The following TBC1D22A variants were observed in gnomAD, a reference collection of about 807,000 sequenced individuals.
TBC1D22A encodes the protein TBC1 domain family member 22A.
Under a neutral mutation model 60.2 loss-of-function variants are expected in TBC1D22A, and 38 were observed. That is an observed-to-expected ratio of 0.63 (90% confidence interval 0.49 to 0.83). The LOEUF is 0.83. Ranked by LOEUF, TBC1D22A falls within the 40% of genes least tolerant of loss-of-function variation. The pLI is 0.00. For missense variants in TBC1D22A, 628 were observed against 701.0 expected, an observed-to-expected ratio of 0.90 and a Z score of 1.18; for synonymous variants, 302 against 281.7, an observed-to-expected ratio of 1.07 and a Z score of -0.72.
rs181953439 is a variant in TBC1D22A at position 47,070,937 on chromosome 22, G to A, written c.1329+33739G>A. Reference sequence around the variant, plus strand: ...TTGGTTGGAGCGGAGCTGACCTGACGGTCCCGGCGCTGTTCGTGTAAGTTG... The same window carrying A: ...TTGGTTGGAGCGGAGCTGACCTGACAGTCCCGGCGCTGTTCGTGTAAGTTG... On this transcript the variant is annotated intron_variant, in intron 11 of 12. Transcript: ENST00000337137. Among the ~76,000 whole-genome samples, 88 of 152,330 alleles carry A rather than the reference G, an allele frequency of 5.8e-4. 2 individuals carry two copies. Among genetic ancestry groups the A allele is most frequent in the African/African-American group, 2.0e-3 (83 of 41,566 alleles).
chr22:47,021,715 T>C (rs2062097278), intron 10 of TBC1D22A, among the ~76,000 whole-genome samples: 1 of 152,260 alleles, frequency 6.6e-6, no homozygotes, highest in South Asian at 2.1e-4. Flanking sequence ...TAAATATATG[T>C]TGTTTTAAGC....
chr22:46,898,155 C>A (rs1359981271), intron 7 of TBC1D22A, among the ~76,000 whole-genome samples: 1 of 152,160 alleles, frequency 6.6e-6, no homozygotes, highest in Non-Finnish European at 1.5e-5. Flanking sequence ...TTTTTTCCTA[C>A]CACTTGCTGC....
intron 11 of TBC1D22A, among the ~76,000 whole-genome samples, chr22:47,088,211 A>G (rs1212926578): frequency 1.3e-5 from 2 of 152,326 alleles, no homozygotes; most frequent in East Asian, 3.9e-4. Context: ...TATCAACCCC[A>G]GTGGAAATGA....
chr22:46,773,255 G>A (rs1488066975), intron 1 of TBC1D22A, among the ~76,000 whole-genome samples: 1 of 152,180 alleles, frequency 6.6e-6, no homozygotes, highest in Non-Finnish European at 1.5e-5. Flanking sequence ...TCCTGTCACA[G>A]GGTGGGGAAT....
At chr22:46,998,073 C>G (rs752038022) in intron 10 of TBC1D22A, among the ~76,000 whole-genome samples, 4 of 152,034 alleles carry the variant, frequency 2.6e-5, no homozygotes, top group Non-Finnish European at 4.4e-5. Flanking sequence ...ATCAAGGATG[C>G]TAGAATAATT....
At chr22:47,106,197 A>C (rs1362890880) in intron 11 of TBC1D22A, among the ~76,000 whole-genome samples, 1 of 152,190 alleles carries the variant, frequency 6.6e-6, no homozygotes, top group Non-Finnish European at 1.5e-5. Context: ...GAATGAAAAG[A>C]CCCCAACTCT....
At chr22:46,853,339 C>T in intron 4 of TBC1D22A, among the ~76,000 whole-genome samples, 1 of 152,244 alleles carries the variant, frequency 6.6e-6, no homozygotes, top group Non-Finnish European at 1.5e-5. Context: ...AGGCGAGAGG[C>T]ATGAAGCCGC....
intron 4 of TBC1D22A, among the ~76,000 whole-genome samples, chr22:46,829,832 T>G (rs1002068358): frequency 6.6e-6 from 1 of 152,132 alleles, no homozygotes; most frequent in African/African-American, 2.4e-5. Flanking sequence ...GGTTTGGAGT[T>G]CAGTGCCGCG....
chr22:47,091,716 T>A (rs2064984996), intron 11 of TBC1D22A, among the ~76,000 whole-genome samples: 1 of 152,154 alleles, frequency 6.6e-6, no homozygotes, highest in Non-Finnish European at 1.5e-5. Flanking sequence ...GGTCTGGGTC[T>A]CAGAGGTCCT....
chr22:47,046,558 A>G (rs131907), intron 11 of TBC1D22A, among the ~76,000 whole-genome samples: 105,328 of 152,108 alleles, frequency 0.69, 37,055 homozygotes, highest in East Asian at 0.92. Flanking sequence ...GAAGCCAGGG[A>G]CACAGTGCCA....
chr22:47,159,333 A>ACACACACCATGTACACACACAC (rs1491014763), intron 12 of TBC1D22A, among the ~76,000 whole-genome samples: 1 of 58,832 alleles, frequency 1.7e-5, no homozygotes, highest in African/African-American at 3.6e-5. Context: ...ACATGTATAC[A>ACACACACCATGTACACACACAC]CACACACCAT....
intron 4 of TBC1D22A, among the ~76,000 whole-genome samples, chr22:46,799,131 C>T (rs2084789921): frequency 6.6e-6 from 1 of 152,130 alleles, no homozygotes; most frequent in Admixed American, 6.5e-5. Flanking sequence ...CAGCCCCCAC[C>T]TTCCCTTCCT....
chr22:46,872,804 C>G (rs1351030473), intron 4 of TBC1D22A, among the ~76,000 whole-genome samples: 6 of 152,282 alleles, frequency 3.9e-5, no homozygotes, highest in African/African-American at 1.2e-4. Flanking sequence ...CCCATCAAGT[C>G]CTTAGCTGAG....
At chr22:47,029,867 TC>T (rs1403433749) in intron 10 of TBC1D22A, among the ~76,000 whole-genome samples, 3 of 152,190 alleles carry the variant, frequency 2.0e-5, no homozygotes, top group Non-Finnish European at 2.9e-5. Context: ...CCAGACTGCT[TC>T]CCCCAGAGTG....
chr22:47,015,218 G>A (rs1046415133), intron 10 of TBC1D22A, among the ~76,000 whole-genome samples: 1 of 152,206 alleles, frequency 6.6e-6, no homozygotes, highest in Non-Finnish European at 1.5e-5. Context: ...TCAGCCATGG[G>A]CTTGGTGATT....
At chr22:46,775,728 G>A (rs1487247110) in intron 1 of TBC1D22A, among the ~76,000 whole-genome samples, 3 of 152,212 alleles carry the variant, frequency 2.0e-5, no homozygotes, top group Non-Finnish European at 1.5e-5. Flanking sequence ...TGCCTCAGCC[G>A]TCATGCTTTT....
intron 11 of TBC1D22A, among the ~76,000 whole-genome samples, chr22:47,054,184 A>G (rs1205264072): frequency 6.6e-6 from 1 of 152,194 alleles, no homozygotes; most frequent in Non-Finnish European, 1.5e-5. Flanking sequence ...ACGTGCAGGG[A>G]CCCACAATGC....
intron 12 of TBC1D22A, among the ~76,000 whole-genome samples, chr22:47,111,951 G>A (rs1603279643): frequency 6.6e-6 from 1 of 152,332 alleles, no homozygotes; most frequent in African/African-American, 2.4e-5. Flanking sequence ...TACAGCACGT[G>A]GACTGTGATG....
At chr22:47,107,105 G>C (rs998108863) in intron 11 of TBC1D22A, among the ~76,000 whole-genome samples, 10 of 152,150 alleles carry the variant, frequency 6.6e-5, no homozygotes, top group Admixed American at 3.3e-4. Flanking sequence ...ATTCATTTTA[G>C]ATCATTAAGT....
Sources: gnomAD v4.1 joint callset for allele counts (sites outside exome capture counted in the v4.1 genomes callset) on GRCh38, gnomAD v4.1.1 for gene constraint, MANE v1.5 for transcripts, NCBI Gene and HGNC (gene_info 2026-07-23, HGNC 2026-07-21) for gene names.